Variants in GRID1 observed in about 807,000 individuals in gnomAD.
The protein encoded by GRID1 is glutamate ionotropic receptor delta type subunit 1.
A neutral mutation model predicts 98.0 loss-of-function variants in GRID1; 28 were observed. The observed-to-expected ratio is 0.29, with a 90% CI of 0.21 to 0.39. GRID1 has a LOEUF of 0.39. Among genes scored for constraint, GRID1 ranks in the 10% least tolerant of loss-of-function variants. The pLI is 1.00. For synonymous variants in GRID1, 553 were observed against 538.5 expected (o/e 1.03, Z -0.37); for missense variants, 1,111 against 1,340.5 (o/e 0.83, Z 2.67).
chr10:86,109,418 G>C (rs930416772), intron 4 of GRID1, among the ~76,000 whole-genome samples: 11 of 152,222 alleles, frequency 7.2e-5, no homozygotes, highest in Admixed American at 7.2e-4. Flanking sequence ...ATGGGCTCTA[G>C]GAATTGCTGT....
chr10:85,821,916 G>T (rs1387046132), intron 8 of GRID1, among the ~76,000 whole-genome samples: 1 of 152,038 alleles, frequency 6.6e-6, no homozygotes, highest in East Asian at 1.9e-4. Context: ...TGACAAACCT[G>T]ACAAAAACAA....
intron 15 of GRID1, chr10:85,607,338 TCCCCCTG>T (rs1259322010): frequency 6.6e-6 from 1 of 152,158 alleles, no homozygotes; most frequent in East Asian, 1.9e-4. Context: ...ATGAGGAACT[TCCCCCTG>T]ACTGAGCTGG....
At chr10:86,318,554 C>T (rs892338105) in intron 2 of GRID1, among the ~76,000 whole-genome samples, 2 of 152,192 alleles carry the variant, frequency 1.3e-5, no homozygotes, top group African/African-American at 4.8e-5. Context: ...TGGGGATGCC[C>T]CAGGGCCTGA....
intron 2 of GRID1, among the ~76,000 whole-genome samples, chr10:86,264,536 C>T (rs1220605544): frequency 6.6e-6 from 1 of 152,230 alleles, no homozygotes; most frequent in African/African-American, 2.4e-5. Context: ...TCCTGAACAC[C>T]TCCCAGAGGC....
intron 2 of GRID1, among the ~76,000 whole-genome samples, chr10:86,356,464 G>A (rs1407599428): frequency 6.6e-6 from 1 of 152,178 alleles, no homozygotes; most frequent in African/African-American, 2.4e-5. Context: ...GACTGGCTGT[G>A]GCCACATGGC....
chr10:86,318,721 C>T (rs959429567), intron 2 of GRID1, among the ~76,000 whole-genome samples: 1 of 152,234 alleles, frequency 6.6e-6, no homozygotes, highest in Non-Finnish European at 1.5e-5. Context: ...CTGCTAGATA[C>T]TCATTCACTC....
intron 2 of GRID1, among the ~76,000 whole-genome samples, chr10:86,238,779 T>C (rs962737601): frequency 2.0e-5 from 3 of 151,898 alleles, no homozygotes; most frequent in Non-Finnish European, 4.4e-5. Context: ...CCTGCAGGTG[T>C]GCAAAGTGTG....
intron 4 of GRID1, among the ~76,000 whole-genome samples, chr10:86,055,813 T>TTCTCTCTCTCTC (rs141146400): frequency 0.062 from 9,166 of 147,288 alleles, 293 homozygotes; most frequent in East Asian, 0.096. Flanking sequence ...TGTGCTCTCA[T>TTCTCTCTCTCTC]TCTCTCTCTC....
At chr10:85,872,788 C>A (rs993412975) in intron 5 of GRID1, among the ~76,000 whole-genome samples, 1 of 152,224 alleles carries the variant, frequency 6.6e-6, no homozygotes, top group Admixed American at 6.5e-5. Context: ...AGGTACCTTG[C>A]AGAACTTCCT....
intron 6 of GRID1, among the ~76,000 whole-genome samples, chr10:85,868,680 AC>A (rs1479108626): frequency 1.3e-5 from 2 of 152,018 alleles, no homozygotes; most frequent in Non-Finnish European, 2.9e-5. Context: ...AGAAGACTCC[AC>A]CCCCAGCCCT....
chr10:86,361,598 C>A (rs116201829), intron 2 of GRID1, among the ~76,000 whole-genome samples: 2,390 of 152,292 alleles, frequency 0.016, 68 homozygotes, highest in African/African-American at 0.052. Context: ...CTGGGTGGAA[C>A]CTTTGTCCCC....
chr10:86,361,836 C>T (rs1848604385), intron 2 of GRID1, among the ~76,000 whole-genome samples: 2 of 152,378 alleles, frequency 1.3e-5, no homozygotes, highest in South Asian at 4.1e-4. Flanking sequence ...GTGACAGCTT[C>T]TCCTTTTAAT....
intron 3 of GRID1, among the ~76,000 whole-genome samples, chr10:86,164,051 G>A (rs190691652): frequency 2.0e-5 from 3 of 152,292 alleles, no homozygotes; most frequent in Non-Finnish European, 2.9e-5. Context: ...CCCCAGGTGG[G>A]GAACAGTTGT....
intron 2 of GRID1, among the ~76,000 whole-genome samples, chr10:86,249,403 A>G (rs1354719701): frequency 6.6e-6 from 1 of 152,100 alleles, no homozygotes; most frequent in Non-Finnish European, 1.5e-5. Flanking sequence ...GGACCCTCAT[A>G]TCCCACAACT....
chr10:85,733,452 G>A (rs1035534779), intron 8 of GRID1, among the ~76,000 whole-genome samples: 2 of 152,232 alleles, frequency 1.3e-5, no homozygotes, highest in Admixed American at 1.3e-4. Flanking sequence ...GAACTTAGCA[G>A]ATGTTCATGA....
chr10:85,734,866 T>G (rs938416179), intron 8 of GRID1, among the ~76,000 whole-genome samples: 2 of 131,976 alleles, frequency 1.5e-5, no homozygotes, highest in Non-Finnish European at 3.6e-5. Context: ...TCCAGTGGAA[T>G]TTTTTTTATG....
intron 5 of GRID1, among the ~76,000 whole-genome samples, chr10:85,873,701 G>A (rs73342521): frequency 0.016 from 2,381 of 152,210 alleles, 71 homozygotes; most frequent in African/African-American, 0.054. Context: ...ATTCTGTTTA[G>A]CTTTGGGTAA....
At chr10:85,682,279 A>G (rs1001330216) in intron 12 of GRID1, among the ~76,000 whole-genome samples, 2 of 152,208 alleles carry the variant, frequency 1.3e-5, no homozygotes, top group African/African-American at 4.8e-5. Flanking sequence ...AAAAAAATGC[A>G]ATCCCCACAT....
At chr10:86,075,660 T>C (rs1343800091) in intron 4 of GRID1, among the ~76,000 whole-genome samples, 1 of 152,202 alleles carries the variant, frequency 6.6e-6, no homozygotes, top group Admixed American at 6.5e-5. Context: ...ACACTGCCCG[T>C]GGCCACCATA....
Sources: allele counts gnomAD v4.1 joint callset (sites outside exome capture counted in the v4.1 genomes callset), GRCh38; gene constraint gnomAD v4.1.1; transcripts MANE v1.5; gene names NCBI Gene and HGNC (gene_info 2026-07-23, HGNC 2026-07-21).